Variants in BRWD3 observed in about 807,000 individuals in gnomAD.
BRWD3 encodes bromodomain and WD repeat domain containing 3.
BRWD3 carries 10 observed loss-of-function variants against 149.7 expected under a neutral mutation model. The observed-to-expected ratio is 0.07, with a 90% CI of 0.04 to 0.11. BRWD3 has a LOEUF of 0.11. Ranked by LOEUF, BRWD3 falls within the 10% of genes least tolerant of loss-of-function variation. BRWD3 has a pLI of 1.00. For missense variants in BRWD3, 940 were observed against 1,373.2 expected (o/e 0.68, Z 4.99); for synonymous variants, 504 against 456.7 (o/e 1.10, Z -1.32).
intron 40 of BRWD3, among the ~76,000 whole-genome samples, chrX:80,678,003 T>A (rs2072388484): frequency 9.0e-6 from 1 of 111,161 alleles, no homozygotes; most frequent in Admixed American, 9.6e-5. Flanking sequence ...CAGAGTGGAA[T>A]AGAAAAACAG....
intron 6 of BRWD3, among the ~76,000 whole-genome samples, chrX:80,788,924 G>A (rs1346425127): frequency 8.9e-6 from 1 of 111,863 alleles, no homozygotes; most frequent in East Asian, 2.8e-4. Flanking sequence ...AAGATTAGTG[G>A]TTTCCAGGGG....
intron 24 of BRWD3, among the ~76,000 whole-genome samples, chrX:80,701,010 C>T (rs1360484509): frequency 9.0e-6 from 1 of 110,645 alleles, no homozygotes; most frequent in Non-Finnish European, 1.9e-5. Flanking sequence ...TTATAACTGA[C>T]ACTCTAACTA....
At chrX:80,779,530 C>T (rs2074036250) in intron 6 of BRWD3, among the ~76,000 whole-genome samples, 1 of 110,467 alleles carries the variant, frequency 9.1e-6, no homozygotes, top group Non-Finnish European at 1.9e-5. Flanking sequence ...CAAGACCAGC[C>T]TGGGCAACCC....
intron 20 of BRWD3, chrX:80,710,559 G>T: frequency 2.3e-6 from 1 of 439,834 alleles, no homozygotes. Flanking sequence ...TGGAATTGCT[G>T]GTAATAATTT....
At chrX:80,704,642 A>T in intron 23 of BRWD3, 36 bp downstream of exon 23, 1 of 1,181,119 alleles carries the variant, frequency 8.5e-7, no homozygotes, top group African/African-American at 1.8e-5. Flanking sequence ...AAAAACAAAA[A>T]ATAACAAAAA....
intron 6 of BRWD3, among the ~76,000 whole-genome samples, chrX:80,763,038 G>T (rs1026139856): frequency 9.0e-6 from 1 of 111,191 alleles, no homozygotes; most frequent in Non-Finnish European, 1.9e-5. Flanking sequence ...CCTATACTTT[G>T]CTGCCCAGAG....
chrX:80,748,624 G>GT (rs1555977107), intron 6 of BRWD3, among the ~76,000 whole-genome samples: 8 of 110,014 alleles, frequency 7.3e-5, no homozygotes, highest in African/African-American at 2.3e-4. Flanking sequence ...CTTTTCTTTT[G>GT]TTTTTTTTCC....
chrX:80,727,148 T>C (rs2073263121), intron 14 of BRWD3, among the ~76,000 whole-genome samples: 1 of 110,562 alleles, frequency 9.0e-6, no homozygotes, highest in South Asian at 3.8e-4. Context: ...GTAAGCACAC[T>C]TTTATTTCCA....
chrX:80,724,878 T>C (rs2073195849), intron 15 of BRWD3, 55 bp downstream of exon 15: 2 of 1,178,704 alleles, frequency 1.7e-6, no homozygotes, highest in African/African-American at 3.5e-5. Context: ...AACCAAGTTA[T>C]TATATGAGAG....
intron 12 of BRWD3, among the ~76,000 whole-genome samples, chrX:80,731,852 A>G (rs1266101410): frequency 5.3e-5 from 5 of 94,615 alleles, no homozygotes; most frequent in Non-Finnish European, 4.1e-5. Context: ...CCGAGATCAC[A>G]CCACTGCACT....
chrX:80,743,897 G>A, intron 8 of BRWD3, 135 bp downstream of exon 8: 2 of 446,437 alleles, frequency 4.5e-6, no homozygotes, highest in Non-Finnish European at 7.6e-6. Flanking sequence ...CTTGCTGCAG[G>A]GTAGGAGCAA....
chrX:80,773,343 C>G (rs1265354544), intron 6 of BRWD3, among the ~76,000 whole-genome samples: 2 of 111,195 alleles, frequency 1.8e-5, no homozygotes, highest in Non-Finnish European at 3.8e-5. Flanking sequence ...TTCCTTTAGC[C>G]TTATGCCCAC....
rs192375866 is a variant in BRWD3, at chrX:80,691,812, A to G, written c.3481+11T>C. The G allele has an allele frequency of 1.8e-4, 216 of 1,208,142 alleles. 1 individual carries two copies. In the African/African-American group the frequency reaches 2.9e-3, roughly 16 times the overall value. ...TTGCATGCTCCTAAAATTTTTTCACATTCATCATACCCAGGGAAAGAAGGT... is the reference window on the plus strand; with the variant it reads ...TTGCATGCTCCTAAAATTTTTTCACGTTCATCATACCCAGGGAAAGAAGGT... On this transcript the variant is annotated intron_variant, in intron 30 of 40. Coordinates refer to ENST00000373275, the MANE Select transcript of BRWD3 (RefSeq NM_153252.5).
intron 4 of BRWD3, among the ~76,000 whole-genome samples, chrX:80,807,134 CT>C (rs2074355851): frequency 9.0e-6 from 1 of 111,628 alleles, no homozygotes; most frequent in African/African-American, 3.3e-5. Flanking sequence ...TTGTTTTTGC[CT>C]CTTTTAGGGG....
chrX:80,792,678 TTAAAC>T lies in BRWD3; in HGVS notation c.332-731_332-727del, dbSNP rs1426426016. On this transcript the variant is annotated intron_variant, in intron 5 of 40. Coordinates refer to ENST00000373275, the MANE Select transcript of BRWD3 (RefSeq NM_153252.5). ...AGGATTTTTTAAAATAGTATGCTAA[TTAAAC>T]AAAACATAGAAATAAATGGGCTGCT... 2.7e-5 allele frequency among the ~76,000 whole-genome samples: 3 copies of T among 111,612 alleles called. No homozygotes were observed. In the Admixed American group the frequency reaches 2.9e-4, roughly 11 times the overall value.
intron 6 of BRWD3, among the ~76,000 whole-genome samples, chrX:80,786,199 A>G (rs1445515357): frequency 1.8e-5 from 2 of 112,005 alleles, no homozygotes; most frequent in African/African-American, 3.2e-5. Context: ...AAAATTAAAT[A>G]AAATAAATAT....
rs1335595160 is a variant in BRWD3 at position 80,674,334 on chromosome X, A to G, written c.*2275T>C. On this transcript the variant is annotated 3_prime_UTR_variant, in exon 41 of 41. Transcript: ENST00000373275. ...TTTTATTTTTCAAAATAAATTATAA[A>G]TAAAGCTCCAGATAGCCAAAATCAC... 8.9e-6 allele frequency: 1 copy of G among 111,819 alleles called. No homozygotes were observed. Among genetic ancestry groups the G allele is most frequent in the Non-Finnish European group, 1.9e-5 (1 of 53,056 alleles). The allele number at this position is 111,819 out of a possible 1,213,427, so 9.2% of individuals were successfully genotyped here.
chrX:80,789,223 A>G (rs1364096570), intron 6 of BRWD3, among the ~76,000 whole-genome samples: 1 of 112,176 alleles, frequency 8.9e-6, no homozygotes, highest in South Asian at 3.6e-4. Flanking sequence ...ACTTAGGCCA[A>G]TCAAATAACT....
Position 80,809,669 on chromosome X carries a change from A to C in BRWD3, c.-198T>G. Reference sequence around the variant, plus strand: ...AGATATTCTAGCCCAAGAGCTGAGGAGGCGGAGGAGGAAGGAGAGGAGAGG... The same window carrying C: ...AGATATTCTAGCCCAAGAGCTGAGGCGGCGGAGGAGGAAGGAGAGGAGAGG... On this transcript the variant is annotated 5_prime_UTR_variant, in exon 1 of 41. Coordinates refer to ENST00000373275, the MANE Select transcript of BRWD3 (RefSeq NM_153252.5). The C allele has an allele frequency of 2.6e-6, 1 of 380,654 alleles. No homozygotes were observed. Among genetic ancestry groups the C allele is most frequent in the Middle Eastern group, 7.6e-4 (1 of 1,320 alleles). 31.4% of individuals were successfully genotyped at this position (380,654 alleles called of 1,213,427 possible).
Sources: gnomAD v4.1 joint callset for allele counts (sites outside exome capture counted in the v4.1 genomes callset) on GRCh38, gnomAD v4.1.1 for gene constraint, MANE v1.5 for transcripts, NCBI Gene and HGNC (gene_info 2026-07-23, HGNC 2026-07-21) for gene names.